Variants in ARFGEF3 observed in about 807,000 individuals in gnomAD.
ARFGEF3 encodes the protein ARFGEF family member 3.
A neutral mutation model predicts 221.7 loss-of-function variants in ARFGEF3; 96 were observed. The observed-to-expected ratio is 0.43, with a 90% confidence interval of 0.37 to 0.51. The LOEUF is 0.51. Among genes scored for constraint, ARFGEF3 ranks in the 20% least tolerant of loss-of-function variants. ARFGEF3 has a pLI of 0.00. For synonymous variants in ARFGEF3, 1,145 were observed against 1,126.8 expected (o/e 1.02, Z -0.32); for missense variants, 2,410 against 2,789.9 (o/e 0.86, Z 3.07).
At chr6:138,197,618 ATTT>A (rs1193327142) in intron 2 of ARFGEF3, among the ~76,000 whole-genome samples, 1 of 152,116 alleles carries the variant, frequency 6.6e-6, no homozygotes, top group South Asian at 2.1e-4. Context: ...GTGATAGGAA[ATTT>A]TTAACTCCAT....
intron 2 of ARFGEF3, among the ~76,000 whole-genome samples, chr6:138,202,593 A>G (rs1015696849): frequency 5.3e-5 from 8 of 152,064 alleles, no homozygotes; most frequent in African/African-American, 1.9e-4. Context: ...CTACTACAGT[A>G]AACTGTTTTC....
intron 17 of ARFGEF3, among the ~76,000 whole-genome samples, chr6:138,289,553 C>A (rs1298910940): frequency 6.6e-6 from 1 of 152,194 alleles, no homozygotes; most frequent in Admixed American, 6.5e-5. Flanking sequence ...TGACCCAGAG[C>A]CCATGAAAGG....
In ARFGEF3 at chr6:138,263,496, C is replaced by T; in HGVS notation, c.2013C>T (p.His671=). ...KLLKNQEADQ[H]SARLFIQSLE... is the part of the protein sequence containing the mutation. ...TGAAGAACCAGGAGGCGGATCAGCA[C>T]AGCGCCAGGCTGTTCATACAGTCCC... is the stretch of plus-strand genomic sequence containing the variant. Residue 671 remains histidine (H), a synonymous_variant, in exon 12 of 34, where the codon CAC becomes CAT. Transcript: ENST00000251691. The T allele has an allele frequency of 1.9e-6, 3 of 1,613,860 alleles. No homozygotes were observed. The South Asian group carries it at 3.3e-5, about 18-fold the overall frequency.
intron 14 of ARFGEF3, among the ~76,000 whole-genome samples, chr6:138,285,306 C>T (rs1779266264): frequency 6.6e-6 from 1 of 151,998 alleles, no homozygotes; most frequent in South Asian, 2.1e-4. Context: ...AAAAAATTAG[C>T]CGGGCATGGT....
At chr6:138,207,422 C>A (rs983643790) in intron 3 of ARFGEF3, among the ~76,000 whole-genome samples, 22 of 151,680 alleles carry the variant, frequency 1.5e-4, no homozygotes, top group African/African-American at 4.4e-4. Context: ...GTAAGGGATC[C>A]CAAAAAAGAG....
intron 2 of ARFGEF3, among the ~76,000 whole-genome samples, chr6:138,174,696 C>A (rs994133036): frequency 6.6e-6 from 1 of 152,000 alleles, no homozygotes; most frequent in African/African-American, 2.4e-5. Flanking sequence ...TGATTATTTG[C>A]AGATTTTTAA....
At position 138,336,504 on chromosome 6, in the gene ARFGEF3, C is replaced by T. The variant is rs202177525; in HGVS notation, c.*18C>T. 75 of 1,583,564 alleles carry T rather than the reference C, an allele frequency of 4.7e-5. No individual in the cohort carries two copies. The African/African-American group carries it at 8.5e-4, about 18-fold the overall frequency. ...TTGTGTAGCCGACTCCTGTTCTACT[C>T]TCCCACCAAATAACAGTAGTGAGGG... is the stretch of plus-strand genomic sequence containing the variant. On this transcript the variant is annotated 3_prime_UTR_variant, in exon 34 of 34. Coordinates refer to ENST00000251691, the MANE Select transcript of ARFGEF3 (RefSeq NM_020340.5).
At chr6:138,180,148 C>G (rs573011399) in intron 2 of ARFGEF3, among the ~76,000 whole-genome samples, 1 of 152,346 alleles carries the variant, frequency 6.6e-6, no homozygotes, top group South Asian at 2.1e-4. Context: ...AGAAACATAT[C>G]TGCATCAACT....
chr6:138,292,915 G>A (rs1349001986), intron 19 of ARFGEF3, among the ~76,000 whole-genome samples: 1 of 152,124 alleles, frequency 6.6e-6, no homozygotes, highest in Non-Finnish European at 1.5e-5. Context: ...GGTGTCAGGT[G>A]GAATATAATA....
chr6:138,184,510 A>T (rs541656159), intron 2 of ARFGEF3, among the ~76,000 whole-genome samples: 2 of 152,280 alleles, frequency 1.3e-5, no homozygotes, highest in East Asian at 1.9e-4. Flanking sequence ...TAGGAAAACA[A>T]GGGTACCGGG....
intron 2 of ARFGEF3, among the ~76,000 whole-genome samples, chr6:138,171,194 C>T (rs1336250859): frequency 6.6e-6 from 1 of 151,730 alleles, no homozygotes; most frequent in Non-Finnish European, 1.5e-5. Flanking sequence ...TGACTAAAGG[C>T]TTTCTTGCAC....
chr6:138,257,295 G>A (rs1352705785), intron 10 of ARFGEF3, among the ~76,000 whole-genome samples: 1 of 152,152 alleles, frequency 6.6e-6, no homozygotes, highest in Non-Finnish European at 1.5e-5. Context: ...TCCTGGAGGG[G>A]CAAGCGTGGG....
intron 10 of ARFGEF3, 102 bp downstream of exon 10, chr6:138,255,871 AC>A (rs1778669443): frequency 3.2e-6 from 3 of 945,502 alleles, no homozygotes; most frequent in Non-Finnish European, 4.6e-6. Flanking sequence ...ACTTGCCGGA[AC>A]TTCATTACTG....
intron 5 of ARFGEF3, among the ~76,000 whole-genome samples, chr6:138,233,106 T>C (rs1219592507): frequency 3.9e-5 from 6 of 152,172 alleles, no homozygotes; most frequent in Admixed American, 3.3e-4. Context: ...ATTCATTTCA[T>C]TTTTTTGTGA....
At chr6:138,214,375 A>T (rs540237147) in intron 4 of ARFGEF3, among the ~76,000 whole-genome samples, 5 of 152,352 alleles carry the variant, frequency 3.3e-5, no homozygotes, top group African/African-American at 1.2e-4. Context: ...GTCATTTTAT[A>T]TAAGTATTTT....
At chr6:138,174,776 AT>A (rs1203923534) in intron 2 of ARFGEF3, among the ~76,000 whole-genome samples, 1 of 151,848 alleles carries the variant, frequency 6.6e-6, no homozygotes, top group Non-Finnish European at 1.5e-5. Context: ...GCTTTTTCCT[AT>A]TTTTTTCTTT....
intron 14 of ARFGEF3, among the ~76,000 whole-genome samples, chr6:138,284,766 C>T (rs1362602800): frequency 1.3e-5 from 2 of 152,192 alleles, no homozygotes; most frequent in African/African-American, 4.8e-5. Context: ...CATGGTCATG[C>T]ATCCTTTAGC....
rs1258359922 is a variant in ARFGEF3, at chr6:138,334,417, T to G, written c.5571T>G (p.Ser1857=). 6.2e-7 allele frequency: 1 copy of G among 1,612,212 alleles called. No homozygotes were observed. The highest frequency in any genetic ancestry group is 2.2e-5 in the East Asian group (1 of 44,844). ...CGGATTCTTCCCAGCAGTGTTCATCTGAGGATGAAGACATCTTTGAGGAAA... is the reference window on the plus strand; with the variant it reads ...CGGATTCTTCCCAGCAGTGTTCATCGGAGGATGAAGACATCTTTGAGGAAA... ...RSTDSSQQCS[S]EDEDIFEETA... The change falls in exon 33 of 34, where the codon TCT becomes TCG. Residue 1857 remains serine (S), a synonymous_variant. Transcript: ENST00000251691. The surrounding 1 kb of genome is among the most constrained non-coding windows in gnomAD (Gnocchi z 5.1).
intron 17 of ARFGEF3, 74 bp downstream of exon 17, chr6:138,287,258 G>A (rs999941074): frequency 3.9e-5 from 43 of 1,101,966 alleles, no homozygotes; most frequent in African/African-American, 3.1e-4. Flanking sequence ...GCCTACACAC[G>A]CCAGCCAACA....
Sources: allele counts gnomAD v4.1 joint callset (sites outside exome capture counted in the v4.1 genomes callset), GRCh38; gene constraint gnomAD v4.1.1; non-coding constraint Gnocchi (gnomAD v3.1); transcripts MANE v1.5; gene names NCBI Gene and HGNC (gene_info 2026-07-23, HGNC 2026-07-21).